Variants in RSBN1L observed in about 807,000 individuals in gnomAD.
RSBN1L encodes lysine-specific demethylase RSBN1L.
Under a neutral mutation model 67.7 loss-of-function variants are expected in RSBN1L, and 30 were observed. The observed-to-expected ratio is 0.44, with a 90% CI of 0.33 to 0.60. The LOEUF (loss-of-function observed/expected upper bound fraction) is 0.60, where lower values mean the gene tolerates loss of function less well. Among genes scored for constraint, RSBN1L ranks in the 20% least tolerant of loss-of-function variants. The pLI is 0.02. For missense variants in RSBN1L, 992 were observed against 1,031.7 expected (o/e 0.96, Z 0.53); for synonymous variants, 433 against 387.0 (o/e 1.12, Z -1.39).
intron 1 of RSBN1L, among the ~76,000 whole-genome samples, chr7:77,725,993 T>C (rs1260627173): frequency 6.6e-6 from 1 of 152,212 alleles, no homozygotes; most frequent in East Asian, 1.9e-4. Flanking sequence ...TTCTGTTATA[T>C]ATTGTTAAAT....
At chr7:77,764,105 T>G (rs776058557) in intron 3 of RSBN1L, among the ~76,000 whole-genome samples, 4 of 152,196 alleles carry the variant, frequency 2.6e-5, no homozygotes, top group Non-Finnish European at 5.9e-5. Flanking sequence ...TTTTATAATC[T>G]GTGTCTGTGA....
intron 5 of RSBN1L, among the ~76,000 whole-genome samples, chr7:77,769,546 G>A (rs1369032690): frequency 6.6e-6 from 1 of 152,192 alleles, no homozygotes; most frequent in African/African-American, 2.4e-5. Flanking sequence ...AATTGTTTAA[G>A]CCTGGAGGAG....
In RSBN1L at chr7:77,757,468, G is replaced by T. The variant is rs181106409; in HGVS notation, c.1344+7404G>T. On this transcript the variant is annotated intron_variant, in intron 3 of 7. Transcript: ENST00000334955. ...ACTGTATCATGAAAGTCCGTTTGAGGATAGAAACATATGCATGGACTTTTC... is the reference window on the plus strand; with the variant it reads ...ACTGTATCATGAAAGTCCGTTTGAGTATAGAAACATATGCATGGACTTTTC... Among the ~76,000 whole-genome samples, 8 of 152,328 alleles carry T rather than the reference G, an allele frequency of 5.3e-5. No homozygotes were observed. In the East Asian group the frequency reaches 1.5e-3, roughly 29 times the overall value.
intron 1 of RSBN1L, among the ~76,000 whole-genome samples, chr7:77,713,844 A>G (rs1409725470): frequency 6.6e-6 from 1 of 152,090 alleles, no homozygotes; most frequent in Non-Finnish European, 1.5e-5. Context: ...TTCTACCTTT[A>G]GTTCATAACA....
intron 3 of RSBN1L, among the ~76,000 whole-genome samples, chr7:77,754,521 C>T (rs1001130364): frequency 1.3e-5 from 2 of 152,092 alleles, no homozygotes; most frequent in African/African-American, 4.8e-5. Context: ...TATTCAAGAC[C>T]TCATGTTGTT....
chr7:77,779,180 C>T lies in RSBN1L; in HGVS notation c.*12C>T, dbSNP rs749053095. The stretch of plus-strand genomic sequence containing the variant: ...ACATTTTGTGCTAAATTTGCATATA[C>T]CATCTAAAATCCTTTTTTAAAAAAA... On this transcript the variant is annotated 3_prime_UTR_variant, in exon 8 of 8. Coordinates refer to ENST00000334955, the MANE Select transcript of RSBN1L (RefSeq NM_198467.3). 19 of 1,542,746 alleles carry T rather than the reference C, an allele frequency of 1.2e-5. No individual in the cohort carries two copies. The highest frequency in any genetic ancestry group is 1.7e-5 in the Non-Finnish European group (19 of 1,146,218).
rs1288700324 is a variant in RSBN1L at position 77,782,067 on chromosome 7, T to C, written c.*2899T>C. On this transcript the variant is annotated 3_prime_UTR_variant, in exon 8 of 8. Transcript: ENST00000334955. ...GGTACAGCCTTGTTAATGCCTTCAA[T>C]AATGCTTACGTTCCTTGTCTTATGG... 3 of 151,538 alleles carry C rather than the reference T, an allele frequency of 2.0e-5. No individual in the cohort carries two copies. Among genetic ancestry groups the C allele is most frequent in the African/African-American group, 4.8e-5 (2 of 41,256 alleles). The allele number at this position is 151,538 out of a possible 1,614,324, so 9.4% of individuals were successfully genotyped here. A position where few individuals can be genotyped will look rare whatever the true frequency, so the allele number is the denominator to read the frequency against.
chr7:77,725,173 A>G (rs1429599470), intron 1 of RSBN1L, among the ~76,000 whole-genome samples: 1 of 149,916 alleles, frequency 6.7e-6, no homozygotes, highest in Non-Finnish European at 1.5e-5. Context: ...AGAAGTTTCA[A>G]ATAATTTAGG....
At chr7:77,725,803 TG>T (rs1791195332) in intron 1 of RSBN1L, among the ~76,000 whole-genome samples, 1 of 151,898 alleles carries the variant, frequency 6.6e-6, no homozygotes, top group African/African-American at 2.4e-5. Flanking sequence ...TTGGTCAGGT[TG>T]GTCTGGAACT....
chr7:77,768,831 G>C, intron 5 of RSBN1L, 28 bp downstream of exon 5: 1 of 1,607,336 alleles, frequency 6.2e-7, no homozygotes, highest in South Asian at 1.1e-5. Context: ...TTTTATTGGA[G>C]GGGATGAGTG....
intron 1 of RSBN1L, among the ~76,000 whole-genome samples, chr7:77,735,830 T>G (rs1791327009): frequency 6.6e-6 from 1 of 152,182 alleles, no homozygotes; most frequent in African/African-American, 2.4e-5. Flanking sequence ...ATTATGCCCT[T>G]TATTTAAATA....
rs752412053 is a variant in RSBN1L, at chr7:77,696,971, A to G, written c.502A>G (p.Arg168Gly). Residue 168 changes from arginine to glycine, a missense_variant, in exon 1 of 8, where the codon AGG (arginine) becomes GGG (glycine). By Grantham distance (125) the Arg-to-Gly change is moderately radical. This residue lies in a region of RSBN1L where 575 missense variants were observed against 483.2 expected (regional missense o/e 1.19). Coordinates refer to ENST00000334955, the MANE Select transcript of RSBN1L (RefSeq NM_198467.3). ...RRPKEKREKE[R>G]RRHGLGGARE... ...ACCTAAGGAGAAGCGGGAGAAGGAGAGGAGGAGGCACGGTCTCGGTGGGGC... is the reference window on the plus strand; with the variant it reads ...ACCTAAGGAGAAGCGGGAGAAGGAGGGGAGGAGGCACGGTCTCGGTGGGGC... The G allele has an allele frequency of 7.0e-6, 11 of 1,564,202 alleles. No individual in the cohort carries two copies. The highest frequency in any genetic ancestry group is 1.8e-5 in the Admixed American group (1 of 54,096).
intron 4 of RSBN1L, among the ~76,000 whole-genome samples, chr7:77,766,117 CAAGCCCTTT>C (rs1036836408): frequency 2.6e-5 from 4 of 152,190 alleles, no homozygotes; most frequent in Non-Finnish European, 4.4e-5. Context: ...CTGGGTTGGG[CAAGCCCTTT>C]AAACTTTCTG....
chr7:77,758,038 C>CA lies in RSBN1L; in HGVS notation c.1345-7448dup, dbSNP rs1429584353. 2.5e-4 allele frequency among the ~76,000 whole-genome samples: 37 copies of CA among 149,108 alleles called. 1 individual carries two copies. The highest frequency in any genetic ancestry group is 3.7e-4 in the African/African-American group (15 of 40,626). On this transcript the variant is annotated intron_variant, in intron 3 of 7. Coordinates refer to ENST00000334955, the MANE Select transcript of RSBN1L (RefSeq NM_198467.3). Reference sequence around the variant, plus strand: ...TGGACGACAGAGTGAGACTCCATCTCAAAAAAAAAGAAAGAAATTCATGAT... The same window carrying CA: ...TGGACGACAGAGTGAGACTCCATCTCAAAAAAAAAAGAAAGAAATTCATGAT...
intron 1 of RSBN1L, among the ~76,000 whole-genome samples, chr7:77,704,050 C>T (rs1790856921): frequency 6.6e-6 from 1 of 152,150 alleles, no homozygotes; most frequent in Non-Finnish European, 1.5e-5. Context: ...TATTGTAGAA[C>T]CTGGCATATT....
chr7:77,767,860 C>G (rs1429148715), intron 4 of RSBN1L, among the ~76,000 whole-genome samples: 2 of 92,086 alleles, frequency 2.2e-5, no homozygotes, highest in South Asian at 1.1e-3. Context: ...CCCCCTCCCT[C>G]TCCTTTCATT....
chr7:77,738,622 GT>G (rs1791366929), intron 2 of RSBN1L, among the ~76,000 whole-genome samples: 1 of 152,174 alleles, frequency 6.6e-6, no homozygotes, highest in Admixed American at 6.5e-5. Context: ...TTTCTTGTAA[GT>G]ATGTATGAGA....
At chr7:77,775,193 T>C (rs1584306546) in intron 6 of RSBN1L, among the ~76,000 whole-genome samples, 1 of 152,132 alleles carries the variant, frequency 6.6e-6, no homozygotes, top group African/African-American at 2.4e-5. Context: ...GGATTACAGG[T>C]GCGAAACACT....
intron 3 of RSBN1L, among the ~76,000 whole-genome samples, chr7:77,759,266 A>T (rs1425958665): frequency 2.6e-5 from 4 of 152,186 alleles, no homozygotes; most frequent in Non-Finnish European, 5.9e-5. Context: ...CTCCCCAAAT[A>T]CTTAAGAACT....
Sources: gnomAD v4.1 joint callset for allele counts (sites outside exome capture counted in the v4.1 genomes callset) on GRCh38, gnomAD v4.1.1 for gene constraint, gnomAD v4.1.1 regional missense constraint, MANE v1.5 for transcripts, NCBI Gene and HGNC (gene_info 2026-07-23, HGNC 2026-07-21) for gene names.